The following MAN1C1 variants were observed in gnomAD, a reference collection of about 807,000 sequenced individuals.
MAN1C1 encodes mannosyl-oligosaccharide 1,2-alpha-mannosidase IC.
Under a neutral mutation model 71.5 loss-of-function variants are expected in MAN1C1, and 49 were observed. That is an observed-to-expected ratio of 0.69 (90% CI 0.54 to 0.87). The LOEUF (loss-of-function observed/expected upper bound fraction) is 0.87, where lower values mean the gene tolerates loss of function less well. Among genes scored for constraint, MAN1C1 ranks in the 40% least tolerant of loss-of-function variants. The pLI is 0.00. For missense variants in MAN1C1, 743 were observed against 835.0 expected, an observed-to-expected ratio of 0.89 and a Z score of 1.36; for synonymous variants, 352 against 343.7, an observed-to-expected ratio of 1.02 and a Z score of -0.27.
chr1:25,774,667 T>C (rs1453920703), intron 8 of MAN1C1, among the ~76,000 whole-genome samples: 1 of 152,148 alleles, frequency 6.6e-6, no homozygotes, highest in Non-Finnish European at 1.5e-5. Flanking sequence ...ATGAGCAAAG[T>C]GAGTCTTCAT....
In MAN1C1 at chr1:25,764,043, CT is replaced by C; in HGVS notation, c.1141+77del. The C allele has an allele frequency of 1.6e-6, 2 of 1,238,768 alleles. No individual in the cohort carries two copies. Among genetic ancestry groups the C allele is most frequent in the Non-Finnish European group, 2.4e-6 (2 of 844,780 alleles). 76.7% of individuals were successfully genotyped at this position (1,238,768 alleles called of 1,614,324 possible). A position where few individuals can be genotyped will look rare whatever the true frequency, so the allele number is the denominator to read the frequency against. ...TTCCTAGGAAGACCCTGCCAGGCCC[CT>C]GGGCTGAGTGAGGATGTGTCTGTCA... On this transcript the variant is annotated intron_variant, in intron 7 of 11. Coordinates refer to ENST00000374332, the MANE Select transcript of MAN1C1 (RefSeq NM_020379.4). This position sits in a 1 kb window ranked among gnomAD's most constrained non-coding sequence, Gnocchi z 4.4.
chr1:25,753,664 G>T lies in MAN1C1; in HGVS notation c.929+86G>T. ...TTGTCTGGGTGGTGCTGGTGAGGAGGCTCCAGGGGCAGTAGGCAGGCAAGC... is the reference window on the plus strand; with the variant it reads ...TTGTCTGGGTGGTGCTGGTGAGGAGTCTCCAGGGGCAGTAGGCAGGCAAGC... On this transcript the variant is annotated intron_variant, in intron 5 of 11. Coordinates refer to ENST00000374332, the MANE Select transcript of MAN1C1 (RefSeq NM_020379.4). The surrounding 1 kb of genome is among the most constrained non-coding windows in gnomAD (Gnocchi z 4.9). 4.1e-6 allele frequency: 5 copies of T among 1,217,448 alleles called. No individual in the cohort carries two copies. Among genetic ancestry groups the T allele is most frequent in the South Asian group, 1.4e-5 (1 of 72,374 alleles). 75.4% of individuals were successfully genotyped at this position (1,217,448 alleles called of 1,614,324 possible). A position where few individuals can be genotyped will look rare whatever the true frequency, so the allele number is the denominator to read the frequency against.
chr1:25,649,769 C>T (rs957058817), intron 1 of MAN1C1, among the ~76,000 whole-genome samples: 1 of 152,162 alleles, frequency 6.6e-6, no homozygotes, highest in Non-Finnish European at 1.5e-5. Context: ...TCTCGAGTAG[C>T]TGGGATTACA....
chr1:25,783,179 G>A (rs1296047001), intron 11 of MAN1C1, among the ~76,000 whole-genome samples: 2 of 152,040 alleles, frequency 1.3e-5, no homozygotes, highest in Non-Finnish European at 2.9e-5. Flanking sequence ...AACCCTTTAG[G>A]GTGGGTCAGA....
At chr1:25,675,567 T>A (rs1018452539) in intron 1 of MAN1C1, among the ~76,000 whole-genome samples, 1 of 124,742 alleles carries the variant, frequency 8.0e-6, no homozygotes, top group African/African-American at 3.3e-5. Context: ...GTCTTTTTCA[T>A]ATAATGACTT....
At chr1:25,743,631 A>G (rs2047089845) in intron 2 of MAN1C1, among the ~76,000 whole-genome samples, 1 of 152,214 alleles carries the variant, frequency 6.6e-6, no homozygotes, top group African/African-American at 2.4e-5. Flanking sequence ...GGAACTTGCC[A>G]ACAAATCTCT....
At chr1:25,731,964 C>T (rs1206294104) in intron 2 of MAN1C1, among the ~76,000 whole-genome samples, 3 of 152,174 alleles carry the variant, frequency 2.0e-5, no homozygotes, top group Admixed American at 6.5e-5. Context: ...ATGCATCTGG[C>T]AGGATCTCTT....
At chr1:25,684,843 C>T (rs551275448) in intron 1 of MAN1C1, among the ~76,000 whole-genome samples, 2 of 152,324 alleles carry the variant, frequency 1.3e-5, no homozygotes, top group East Asian at 1.9e-4. Flanking sequence ...GTGAGTGATA[C>T]AAACAATATA....
At chr1:25,701,950 C>T (rs996960880) in intron 2 of MAN1C1, among the ~76,000 whole-genome samples, 8 of 152,184 alleles carry the variant, frequency 5.3e-5, no homozygotes, top group African/African-American at 1.7e-4. Context: ...ATCCCAGCTA[C>T]TTTGGAGGCT....
rs1384894078 is a variant in MAN1C1, at chr1:25,769,814, C to T, written c.1142-1843C>T. Among the ~76,000 whole-genome samples, 1 of 152,228 alleles carries T rather than the reference C, an allele frequency of 6.6e-6. No individual in the cohort carries two copies. The highest frequency in any genetic ancestry group is 2.4e-5 in the African/African-American group (1 of 41,476). ...AGGCACTCATCGCACACCCGGCGGG[C>T]ACCCGATGGCAAGGGGGGCCCACCA... On this transcript the variant is annotated intron_variant, in intron 7 of 11. Coordinates refer to ENST00000374332, the MANE Select transcript of MAN1C1 (RefSeq NM_020379.4). This position sits in a 1 kb window ranked among gnomAD's most constrained non-coding sequence, Gnocchi z 4.8.
At chr1:25,686,374 G>C in intron 1 of MAN1C1, 66 bp from the exon 2 acceptor site, 1 of 1,365,404 alleles carries the variant, frequency 7.3e-7, no homozygotes, top group Non-Finnish European at 1.0e-6. Flanking sequence ...GGCAAAGCCA[G>C]GCGGCCAGTG....
chr1:25,758,750 A>T, intron 6 of MAN1C1, 41 bp downstream of exon 6: 1 of 1,556,764 alleles, frequency 6.4e-7, no homozygotes, highest in Non-Finnish European at 8.9e-7. Flanking sequence ...GAGCAGAGGG[A>T]TGAGCGTGCG....
intron 1 of MAN1C1, among the ~76,000 whole-genome samples, chr1:25,619,500 A>AC (rs1184016281): frequency 4.6e-5 from 7 of 152,172 alleles, no homozygotes; most frequent in African/African-American, 1.4e-4. Context: ...CCTTGTCTGA[A>AC]CCATCCTCCC....
chr1:25,692,863 A>G (rs1031194909), intron 2 of MAN1C1, among the ~76,000 whole-genome samples: 3 of 152,138 alleles, frequency 2.0e-5, no homozygotes, highest in African/African-American at 7.2e-5. Flanking sequence ...CATTTATTAG[A>G]CATCAGCTGA....
At chr1:25,690,718 G>C (rs146327821) in intron 2 of MAN1C1, among the ~76,000 whole-genome samples, 3 of 152,244 alleles carry the variant, frequency 2.0e-5, no homozygotes, top group Non-Finnish European at 4.4e-5. Flanking sequence ...TTACTGCTTA[G>C]GGGCTGTGGA....
chr1:25,677,788 T>C (rs528542214), intron 1 of MAN1C1, among the ~76,000 whole-genome samples: 2 of 151,888 alleles, frequency 1.3e-5, no homozygotes, highest in South Asian at 4.2e-4. Context: ...GTGCTTCTGT[T>C]TGATGTTGTT....
At chr1:25,747,154 G>C (rs569818707) in intron 3 of MAN1C1, among the ~76,000 whole-genome samples, 2 of 152,306 alleles carry the variant, frequency 1.3e-5, no homozygotes, top group East Asian at 1.9e-4. Context: ...CTTTGTGGAG[G>C]GGGGACGTGG....
Position 25,617,702 on chromosome 1 carries a change from C to T in MAN1C1, c.-96C>T. On this transcript the variant is annotated 5_prime_UTR_variant, in exon 1 of 12. Transcript: ENST00000374332. The surrounding 1 kb of genome is among the most constrained non-coding windows in gnomAD (Gnocchi z 5.1). ...GTTGGCAACCCTGCCCAGGGACCCC[C>T]ATCCCGGGCGGCGCTCCGGACGCCC... 1.7e-6 allele frequency: 2 copies of T among 1,211,524 alleles called. No homozygotes were observed. Among genetic ancestry groups the T allele is most frequent in the Admixed American group, 2.9e-5 (1 of 34,766 alleles). The allele number at this position is 1,211,524 out of a possible 1,614,324, so 75.0% of individuals were successfully genotyped here. A position where few individuals can be genotyped will look rare whatever the true frequency, so the allele number is the denominator to read the frequency against.
At chr1:25,656,202 A>G (rs924291005) in intron 1 of MAN1C1, among the ~76,000 whole-genome samples, 1 of 143,386 alleles carries the variant, frequency 7.0e-6, no homozygotes, top group Admixed American at 7.5e-5. Flanking sequence ...GGTTCAAGCC[A>G]TTCTCCTGCC....
Sources: allele counts gnomAD v4.1 joint callset (sites outside exome capture counted in the v4.1 genomes callset), GRCh38; gene constraint gnomAD v4.1.1; non-coding constraint Gnocchi (gnomAD v3.1); transcripts MANE v1.5; gene names NCBI Gene and HGNC (gene_info 2026-07-23, HGNC 2026-07-21).